The following TBC1D14 variants were observed in gnomAD, a reference collection of about 807,000 sequenced individuals.
The protein encoded by TBC1D14 is TBC1 domain family, member 14.
In TBC1D14, 26 loss-of-function variants were observed where a neutral mutation model predicts 79.0. That is an observed-to-expected ratio of 0.33 (90% CI 0.24 to 0.46). The LOEUF is 0.46. Ranked by LOEUF, TBC1D14 falls within the 20% of genes least tolerant of loss-of-function variation. The probability of loss-of-function intolerance (pLI) is 1.00; values close to 1 mark genes in which losing one functional copy is unlikely to be tolerated. For missense variants in TBC1D14, 769 were observed against 887.6 expected (o/e 0.87, Z 1.70); for synonymous variants, 394 against 349.9 (o/e 1.13, Z -1.40).
chr4:6,994,758 G>A (rs768375038), intron 4 of TBC1D14, among the ~76,000 whole-genome samples: 21 of 151,822 alleles, frequency 1.4e-4, no homozygotes, highest in African/African-American at 4.6e-4. Context: ...TACTCAGGAG[G>A]CTGAGGCAGG....
chr4:6,992,756 T>C (rs1718633033), intron 3 of TBC1D14, among the ~76,000 whole-genome samples: 1 of 152,256 alleles, frequency 6.6e-6, no homozygotes, highest in Non-Finnish European at 1.5e-5. Flanking sequence ...TGAGGGCTAG[T>C]GCCGTCTTAG....
chr4:6,983,960 T>G (rs1717597854), intron 3 of TBC1D14, among the ~76,000 whole-genome samples: 3 of 152,254 alleles, frequency 2.0e-5, no homozygotes, highest in African/African-American at 7.2e-5. Flanking sequence ...ACAGTTTCTT[T>G]GGTGCAAACA....
In TBC1D14 at chr4:6,923,608, C is replaced by T. The variant is rs772532768; in HGVS notation, c.219C>T (p.Ile73=). Residue 73 remains isoleucine, a synonymous_variant, in exon 2 of 14, where the codon ATC becomes ATT. Coordinates refer to ENST00000409757, the MANE Select transcript of TBC1D14 (RefSeq NM_020773.3). ...ACTCGGGGATTCCTACCCTGGAGAT[C>T]GGGAACCCGGAGCCTGTACCCTGCA... is the stretch of plus-strand genomic sequence containing the variant. ...SVDSGIPTLE[I]GNPEPVPCSA... The T allele has an allele frequency of 8.7e-6, 14 of 1,613,856 alleles. No homozygotes were observed. The highest frequency in any genetic ancestry group is 5.3e-5 in the African/African-American group (4 of 74,940).
intron 3 of TBC1D14, chr4:6,987,489 G>A (rs555115880): frequency 5.1e-6 from 4 of 787,510 alleles, no homozygotes; most frequent in Non-Finnish European, 5.2e-6. Context: ...GGTTGTGCGG[G>A]TGTGCGAGCA....
chr4:6,943,465 A>C (rs28392702), intron 2 of TBC1D14, among the ~76,000 whole-genome samples: 1 of 152,054 alleles, frequency 6.6e-6, no homozygotes, highest in Non-Finnish European at 1.5e-5. Context: ...GGTGTGGCCT[A>C]CGGGGCGTGC....
At chr4:7,006,533 C>G in intron 8 of TBC1D14, 99 bp from the exon 9 acceptor site, 1 of 1,098,240 alleles carries the variant, frequency 9.1e-7, no homozygotes. Flanking sequence ...TTCTGAAAAA[C>G]TTTTTTCCGT....
chr4:6,952,421 A>G (rs2109005561), intron 2 of TBC1D14, among the ~76,000 whole-genome samples: 1 of 152,276 alleles, frequency 6.6e-6, no homozygotes, highest in East Asian at 1.9e-4. Context: ...TGGGGCAGGG[A>G]TTTTGTCAGT....
intron 2 of TBC1D14, among the ~76,000 whole-genome samples, chr4:6,938,910 TC>T (rs1218382204): frequency 3.9e-5 from 6 of 152,174 alleles, no homozygotes; most frequent in Non-Finnish European, 8.8e-5. Context: ...AGAGTATCCG[TC>T]CCGGCTGCAG....
intron 2 of TBC1D14, among the ~76,000 whole-genome samples, chr4:6,944,841 C>T (rs568693987): frequency 6.6e-6 from 1 of 152,316 alleles, no homozygotes; most frequent in African/African-American, 2.4e-5. Flanking sequence ...TTCTCACTAT[C>T]CCCGGGGCAG....
intron 2 of TBC1D14, among the ~76,000 whole-genome samples, chr4:6,937,924 A>G (rs571945695): frequency 1.2e-4 from 18 of 152,050 alleles, no homozygotes; most frequent in Non-Finnish European, 1.8e-4. Flanking sequence ...AGTTTCCACC[A>G]CGTCTGACGT....
In TBC1D14 at chr4:7,009,277, G is replaced by A. The variant is rs187952467; in HGVS notation, c.1447-600G>A. On this transcript the variant is annotated intron_variant, in intron 9 of 13. Coordinates refer to ENST00000409757, the MANE Select transcript of TBC1D14 (RefSeq NM_020773.3). ...TGCACTTTCTTCTGTGCTCCATTGG[G>A]GAAATAATTCCAACAATTGACTTTT... Among the ~76,000 whole-genome samples the A allele has an allele frequency of 5.9e-5, 9 of 152,282 alleles. No homozygotes were observed. The East Asian group carries it at 1.7e-3, about 29-fold the overall frequency.
intron 3 of TBC1D14, among the ~76,000 whole-genome samples, chr4:6,993,881 G>A (rs1046171756): frequency 3.3e-5 from 5 of 152,184 alleles, no homozygotes; most frequent in African/African-American, 4.8e-5. Context: ...GTGGTGGTGA[G>A]TGCCTCTATT....
At chr4:6,992,370 C>G (rs1425525254) in intron 3 of TBC1D14, among the ~76,000 whole-genome samples, 2 of 152,250 alleles carry the variant, frequency 1.3e-5, no homozygotes, top group Non-Finnish European at 2.9e-5. Context: ...CTCAGGGCGG[C>G]AGGCCCAGCC....
chr4:6,922,736 C>T (rs148002119), intron 1 of TBC1D14, among the ~76,000 whole-genome samples: 1,613 of 152,246 alleles, frequency 0.011, 39 homozygotes, highest in African/African-American at 0.037. Flanking sequence ...ACCACTCCCC[C>T]AAAAGAAAAA....
chr4:6,988,766 G>A (rs116333191), intron 3 of TBC1D14, among the ~76,000 whole-genome samples: 2 of 152,072 alleles, frequency 1.3e-5, no homozygotes, highest in African/African-American at 2.4e-5. Flanking sequence ...GGGGCTTCCA[G>A]TAGCAGGTTA....
At position 7,025,050 on chromosome 4, in the gene TBC1D14, C is replaced by T. The variant is rs750119013; in HGVS notation, c.1804C>T (p.Arg602Cys). 3.1e-6 allele frequency: 5 copies of T among 1,614,184 alleles called. No individual in the cohort carries two copies. The highest frequency in any genetic ancestry group is 4.2e-6 in the Non-Finnish European group (5 of 1,180,046). ...SKSLPLDLAC[R>C]IWDVFCRDGE... ...ATCTCTGCCCCTCGACCTGGCCTGTCGTATCTGGGACGTGTTCTGTCGCGA... is the reference window on the plus strand; with the variant it reads ...ATCTCTGCCCCTCGACCTGGCCTGTTGTATCTGGGACGTGTTCTGTCGCGA... Residue 602 changes from arginine to cysteine, a missense_variant, in exon 13 of 14, where the codon CGT (arginine) becomes TGT (cysteine). Arg to Cys is a radical substitution (Grantham distance 180). This residue lies in a region of TBC1D14 where 367 missense variants were observed against 494.4 expected (regional missense o/e 0.74). Coordinates refer to ENST00000409757, the MANE Select transcript of TBC1D14 (RefSeq NM_020773.3).
chr4:6,920,548 C>T (rs562349970), intron 1 of TBC1D14, among the ~76,000 whole-genome samples: 1 of 152,340 alleles, frequency 6.6e-6, no homozygotes, highest in South Asian at 2.1e-4. Context: ...GACGCCCAAG[C>T]AGGAGTGGTT....
intron 12 of TBC1D14, among the ~76,000 whole-genome samples, chr4:7,016,430 C>T (rs1721284327): frequency 2.0e-5 from 3 of 152,238 alleles, no homozygotes; most frequent in Admixed American, 6.5e-5. Flanking sequence ...GAGCCCTGCC[C>T]CTCAGATTCC....
At position 7,025,254 on chromosome 4, in the gene TBC1D14, T is replaced by A; in HGVS notation, c.2008T>A (p.Trp670Arg). 1 of 1,614,162 alleles carries A rather than the reference T, an allele frequency of 6.2e-7. No homozygotes were observed. The highest frequency in any genetic ancestry group is 8.5e-7 in the Non-Finnish European group (1 of 1,180,026). The part of the protein sequence containing the change: ...TIQMQSRNKK[W>R]AQVLTALQKD... The stretch of plus-strand genomic sequence containing the variant: ...CCAGATGCAGAGCCGAAACAAGAAG[T>A]GGGCTCAGGTCAGCGGGCTTTGTGT... Residue 670 changes from tryptophan (W) to arginine (R), a missense_variant, in exon 13 of 14, where the codon TGG becomes AGG. This residue lies in a region of TBC1D14 where 367 missense variants were observed against 494.4 expected (regional missense o/e 0.74). Transcript: ENST00000409757.
Sources: allele counts gnomAD v4.1 joint callset (sites outside exome capture counted in the v4.1 genomes callset), GRCh38; gene constraint gnomAD v4.1.1; regional missense constraint gnomAD v4.1.1; transcripts MANE v1.5; gene names NCBI Gene and HGNC (gene_info 2026-07-23, HGNC 2026-07-21).